Variants in SLC25A48 observed in about 807,000 individuals in gnomAD.
SLC25A48 encodes the protein CTC-321K16.1.
A neutral mutation model predicts 32.2 loss-of-function variants in SLC25A48; 29 were observed. The observed-to-expected ratio is 0.90, with a 90% CI of 0.67 to 1.23. The LOEUF (loss-of-function observed/expected upper bound fraction) is 1.23. Ranked by LOEUF, SLC25A48 falls within the 50% of genes most tolerant of loss-of-function variation. The probability of loss-of-function intolerance (pLI) is 0.00; values close to 1 mark genes in which losing one functional copy is unlikely to be tolerated. For missense variants in SLC25A48, 399 were observed against 422.7 expected, an observed-to-expected ratio of 0.94 and a Z score of 0.49; for synonymous variants, 164 against 172.3, an observed-to-expected ratio of 0.95 and a Z score of 0.38.
chr5:135,697,865 A>G (rs1018035341), intron 3 of SLC25A48, among the ~76,000 whole-genome samples: 1 of 152,178 alleles, frequency 6.6e-6, no homozygotes, highest in Non-Finnish European at 1.5e-5. Flanking sequence ...GGCTGCAGGC[A>G]TTTGTTCCCA....
chr5:135,740,276 C>T (rs1307478211), intron 3 of SLC25A48, among the ~76,000 whole-genome samples: 2 of 152,040 alleles, frequency 1.3e-5, no homozygotes, highest in African/African-American at 2.4e-5. Flanking sequence ...TCACTGCAAC[C>T]TCTGCCTCCT....
intron 3 of SLC25A48, among the ~76,000 whole-genome samples, chr5:135,687,270 T>C (rs1754039093): frequency 6.6e-6 from 1 of 152,204 alleles, no homozygotes; most frequent in East Asian, 1.9e-4. Flanking sequence ...ACCTATATAT[T>C]TGGAAAATCA....
At chr5:135,730,145 T>C (rs1253974481) in intron 3 of SLC25A48, among the ~76,000 whole-genome samples, 1 of 152,234 alleles carries the variant, frequency 6.6e-6, no homozygotes, top group Non-Finnish European at 1.5e-5. Flanking sequence ...CAAGTGCTAT[T>C]CTTTTTCTTT....
intron 4 of SLC25A48, among the ~76,000 whole-genome samples, chr5:135,854,134 TCCAGG>T (rs1174609815): frequency 1.3e-5 from 2 of 152,224 alleles, no homozygotes; most frequent in African/African-American, 4.8e-5. Context: ...TGTGCTGTCA[TCCAGG>T]CCTTGTTGTT....
intron 3 of SLC25A48, among the ~76,000 whole-genome samples, chr5:135,790,268 A>C (rs1389121085): frequency 6.6e-6 from 1 of 151,966 alleles, no homozygotes; most frequent in Admixed American, 6.6e-5. Flanking sequence ...TTTACGTACT[A>C]TCATAGAAAA....
intron 3 of SLC25A48, among the ~76,000 whole-genome samples, chr5:135,786,027 T>G (rs1253020392): frequency 1.4e-5 from 2 of 148,092 alleles, no homozygotes; most frequent in African/African-American, 2.5e-5. Context: ...GAGACGGTGG[T>G]ATTTCTCCCC....
At chr5:135,663,158 T>C (rs1468877043) in intron 3 of SLC25A48, among the ~76,000 whole-genome samples, 1 of 152,242 alleles carries the variant, frequency 6.6e-6, no homozygotes, top group East Asian at 1.9e-4. Flanking sequence ...ATTCAGGTTC[T>C]TTGGATTTTG....
intron 1 of SLC25A48, among the ~76,000 whole-genome samples, chr5:135,601,871 C>A (rs994578168): frequency 1.1e-4 from 16 of 152,200 alleles, no homozygotes; most frequent in African/African-American, 3.9e-4. Context: ...TGCTCAGTGA[C>A]CCCGGGTGGT....
At chr5:135,650,284 G>T in intron 3 of SLC25A48, 1 of 388,220 alleles carries the variant, frequency 2.6e-6, no homozygotes, top group Non-Finnish European at 5.1e-6. Context: ...CTCAAAGTTT[G>T]GTTTCTCCTT....
chr5:135,887,630 C>T (rs1410027176), intron 7 of SLC25A48, among the ~76,000 whole-genome samples: 4 of 152,164 alleles, frequency 2.6e-5, no homozygotes, highest in Non-Finnish European at 5.9e-5. Context: ...GTGGTGAGAA[C>T]ACCTGGGCCC....
At chr5:135,743,363 C>T (rs190354367) in intron 3 of SLC25A48, among the ~76,000 whole-genome samples, 9 of 151,958 alleles carry the variant, frequency 5.9e-5, no homozygotes, top group East Asian at 2.0e-4. Flanking sequence ...TGAGCCACTA[C>T]GCTCAGCCTG....
chr5:135,690,603 T>G (rs1267244686), intron 3 of SLC25A48, among the ~76,000 whole-genome samples: 1 of 152,350 alleles, frequency 6.6e-6, no homozygotes, highest in African/African-American at 2.4e-5. Context: ...TGGGATTCTC[T>G]TATGCTGTGC....
chr5:135,665,187 AT>A (rs952971094), intron 3 of SLC25A48, among the ~76,000 whole-genome samples: 1 of 151,754 alleles, frequency 6.6e-6, no homozygotes, highest in South Asian at 2.1e-4. Context: ...GATTTTGAGC[AT>A]TTTTTTCATG....
chr5:135,838,809 T>C (rs1758755705), intron 1 of SLC25A48, among the ~76,000 whole-genome samples: 1 of 152,228 alleles, frequency 6.6e-6, no homozygotes, highest in African/African-American at 2.4e-5. Flanking sequence ...TGTATGAAAA[T>C]GCCTGGATGT....
chr5:135,821,434 G>A (rs1055171906), intron 4 of SLC25A48, among the ~76,000 whole-genome samples: 6 of 152,094 alleles, frequency 3.9e-5, no homozygotes, highest in African/African-American at 1.2e-4. Flanking sequence ...AGAGAGCAGC[G>A]GCCCATGCAG....
Position 135,721,192 on chromosome 5 carries a change from C to CTT in SLC25A48, c.-521+86264_-521+86265dup, listed in dbSNP as rs757412641. ...GAGTAGCTGGGACACCATGCCTGGC[C>CTT]TTTTTTTTTTTTTTTTTTTTTTTTT... On this transcript the variant is annotated intron_variant, in intron 3 of 10. Coordinates refer to the SLC25A48 transcript ENST00000646290. Among the ~76,000 whole-genome samples the CTT allele has an allele frequency of 3.7e-3, 197 of 53,878 alleles. 45 individuals carry two copies. The highest frequency in any genetic ancestry group is 4.8e-3 in the African/African-American group (80 of 16,792). 35.3% of individuals were successfully genotyped at this position (53,878 alleles called of 152,430 possible). A position where few individuals can be genotyped will look rare whatever the true frequency, so the allele number is the denominator to read the frequency against.
At chr5:135,838,680 G>A (rs1031702123) in intron 1 of SLC25A48, among the ~76,000 whole-genome samples, 1 of 152,238 alleles carries the variant, frequency 6.6e-6, no homozygotes, top group African/African-American at 2.4e-5. Flanking sequence ...GTACAGCTTG[G>A]GCTGTGGCTT....
chr5:135,776,504 G>T (rs185134943), intron 3 of SLC25A48, among the ~76,000 whole-genome samples: 20 of 151,944 alleles, frequency 1.3e-4, no homozygotes, highest in Admixed American at 1.3e-3. Flanking sequence ...TAATATCCAG[G>T]GGGGAAGAAG....
chr5:135,589,887 G>C (rs1342188623), intron 1 of SLC25A48, among the ~76,000 whole-genome samples: 4 of 152,108 alleles, frequency 2.6e-5, no homozygotes, highest in African/African-American at 4.8e-5. Context: ...GTAGAAACAG[G>C]GTTTCACCAA....
Sources: allele counts gnomAD v4.1 joint callset (sites outside exome capture counted in the v4.1 genomes callset), GRCh38; gene constraint gnomAD v4.1.1; transcripts MANE v1.5; gene names NCBI Gene and HGNC (gene_info 2026-07-23, HGNC 2026-07-21).